FMNL2: variants seen among roughly 807,000 people sequenced by gnomAD.
FMNL2 encodes formin-like protein 2.
In FMNL2, 51 loss-of-function variants were observed where a neutral mutation model predicts 130.2. The observed-to-expected ratio is 0.39, with a 90% CI of 0.31 to 0.49. The LOEUF is 0.49. Ranked by LOEUF, FMNL2 falls within the 20% of genes least tolerant of loss-of-function variation. The pLI, the probability that FMNL2 is intolerant of heterozygous loss-of-function variation, is 0.85. For missense variants in FMNL2, 977 were observed against 1,316.2 expected (o/e 0.74, Z 3.99); for synonymous variants, 465 against 467.1 (o/e 1.00, Z 0.06).
chr2:152,470,977 C>T (rs977157514), intron 1 of FMNL2, among the ~76,000 whole-genome samples: 6 of 152,192 alleles, frequency 3.9e-5, no homozygotes, highest in African/African-American at 1.4e-4. Context: ...TGGCCTCCTA[C>T]CACCAGCTAA....
chr2:152,631,251 T>C (rs899672007), intron 20 of FMNL2, among the ~76,000 whole-genome samples: 1 of 151,030 alleles, frequency 6.6e-6, no homozygotes, highest in Non-Finnish European at 1.5e-5. Context: ...CTGGGCTAAT[T>C]TTTGGGTCAC....
rs562529597 is a variant in FMNL2, at chr2:152,365,935, C to T, written c.117+30215C>T. ...TGATCCTTGTTTGCATCAGGGACTC[C>T]TGAGATTCTTATGAAAACCATAGCC... On this transcript the variant is annotated intron_variant, in intron 1 of 25. Coordinates refer to ENST00000288670, the MANE Select transcript of FMNL2 (RefSeq NM_052905.4). Among the ~76,000 whole-genome samples the T allele has an allele frequency of 1.4e-4, 21 of 152,220 alleles. No individual in the cohort carries two copies. In the South Asian group the frequency reaches 4.4e-3, roughly 32 times the overall value.
chr2:152,439,116 G>GTGTGTGTGTGT (rs1255777177), intron 1 of FMNL2, among the ~76,000 whole-genome samples: 1 of 118,456 alleles, frequency 8.4e-6, no homozygotes, highest in African/African-American at 4.2e-5. Context: ...TGTGTGTGTG[G>GTGTGTGTGTGT]CAATAGCTAA....
At chr2:152,505,787 C>T (rs1479269323) in intron 1 of FMNL2, among the ~76,000 whole-genome samples, 2 of 152,210 alleles carry the variant, frequency 1.3e-5, no homozygotes, top group Non-Finnish European at 2.9e-5. Context: ...AATCACACCT[C>T]TCGTTCTTGC....
At chr2:152,597,782 C>T (rs1223973549) in intron 9 of FMNL2, among the ~76,000 whole-genome samples, 1 of 152,174 alleles carries the variant, frequency 6.6e-6, no homozygotes, top group Non-Finnish European at 1.5e-5. Context: ...ACTTTAAGAA[C>T]TGGTACCCAA....
Position 152,371,267 on chromosome 2 carries a change from G to T in FMNL2, c.117+35547G>T, listed in dbSNP as rs114489045. ...TAATATCAATTGGCTAGGATCATTG[G>T]AGGCTGGTTGTACCACAAAGGACAC... On this transcript the variant is annotated intron_variant, in intron 1 of 25. Coordinates refer to ENST00000288670, the MANE Select transcript of FMNL2 (RefSeq NM_052905.4). Among the ~76,000 whole-genome samples, 219 of 152,336 alleles carry T rather than the reference G, an allele frequency of 1.4e-3. 1 individual carries two copies. Among genetic ancestry groups the T allele is most frequent in the African/African-American group, 5.1e-3 (214 of 41,580 alleles).
At chr2:152,427,076 GGTTT>G (rs1687237537) in intron 1 of FMNL2, among the ~76,000 whole-genome samples, 1 of 152,106 alleles carries the variant, frequency 6.6e-6, no homozygotes, top group Admixed American at 6.5e-5. Context: ...GTATCAACCT[GGTTT>G]GTTTCTCCTA....
chr2:152,456,202 A>T (rs1688946489), intron 1 of FMNL2, among the ~76,000 whole-genome samples: 1 of 152,218 alleles, frequency 6.6e-6, no homozygotes, highest in Non-Finnish European at 1.5e-5. Flanking sequence ...ATTTTGATCA[A>T]ATTTTCTTTC....
In FMNL2 at chr2:152,649,374, A is replaced by ATAGTT. The variant is rs1306001998; in HGVS notation, c.*1471_*1475dup. 6.6e-6 allele frequency: 1 copy of ATAGTT among 152,456 alleles called. No homozygotes were observed. The highest frequency in any genetic ancestry group is 2.4e-5 in the African/African-American group (1 of 41,420). The allele number at this position is 152,456 out of a possible 1,614,324, so 9.4% of individuals were successfully genotyped here. A position where few individuals can be genotyped will look rare whatever the true frequency, so the allele number is the denominator to read the frequency against. On this transcript the variant is annotated 3_prime_UTR_variant, in exon 26 of 26. Coordinates refer to ENST00000288670, the MANE Select transcript of FMNL2 (RefSeq NM_052905.4). Reference sequence around the variant, plus strand: ...TACAATCTGAATGTTATTTTAACTTATAGTTTTTTTTAATATATATATTTA... The same window carrying ATAGTT: ...TACAATCTGAATGTTATTTTAACTTATAGTTTAGTTTTTTTTAATATATATATTTA...
intron 6 of FMNL2, among the ~76,000 whole-genome samples, chr2:152,566,117 G>A (rs1695822473): frequency 6.6e-6 from 1 of 152,168 alleles, no homozygotes; most frequent in Non-Finnish European, 1.5e-5. Context: ...TTCATGAATA[G>A]TCCTTATCTG....
intron 25 of FMNL2, among the ~76,000 whole-genome samples, chr2:152,642,125 A>G (rs1683138209): frequency 6.6e-6 from 1 of 152,112 alleles, no homozygotes. Context: ...TATTTGTAGT[A>G]GAGATGGGGT....
intron 1 of FMNL2, among the ~76,000 whole-genome samples, chr2:152,427,045 A>C (rs1349921170): frequency 6.6e-6 from 1 of 152,180 alleles, no homozygotes; most frequent in African/African-American, 2.4e-5. Flanking sequence ...ATCCTCTTCC[A>C]ACTCCTCGTA....
chr2:152,547,024 C>T (rs1694685467), intron 3 of FMNL2, among the ~76,000 whole-genome samples: 1 of 150,680 alleles, frequency 6.6e-6, no homozygotes, highest in Admixed American at 6.7e-5. Flanking sequence ...CGGCTTGCTG[C>T]AACCGCTGCC....
chr2:152,445,392 C>A (rs1323972415), intron 1 of FMNL2, among the ~76,000 whole-genome samples: 1 of 152,200 alleles, frequency 6.6e-6, no homozygotes, highest in Non-Finnish European at 1.5e-5. Flanking sequence ...AATTAAACTT[C>A]AGTTTAAATG....
chr2:152,387,625 G>A (rs1684855049), intron 1 of FMNL2, among the ~76,000 whole-genome samples: 1 of 152,060 alleles, frequency 6.6e-6, no homozygotes, highest in Admixed American at 6.5e-5. Context: ...CTCCATGTCT[G>A]GTTGTTTTTT....
chr2:152,395,892 T>A (rs909563554), intron 1 of FMNL2, among the ~76,000 whole-genome samples: 1 of 7,096 alleles, frequency 1.4e-4, no homozygotes, highest in Non-Finnish European at 2.8e-4. Flanking sequence ...GTGGTGGGGG[T>A]GGGTGGGCCA....
intron 4 of FMNL2, among the ~76,000 whole-genome samples, chr2:152,555,118 A>G (rs953830119): frequency 3.9e-5 from 6 of 152,350 alleles, no homozygotes; most frequent in East Asian, 1.9e-4. Flanking sequence ...AGTTTTATAC[A>G]GTATTTCTTT....
At chr2:152,556,929 G>A (rs1158593316) in intron 4 of FMNL2, among the ~76,000 whole-genome samples, 1 of 147,706 alleles carries the variant, frequency 6.8e-6, no homozygotes, top group Non-Finnish European at 1.5e-5. Context: ...ACCCACCACC[G>A]AGGGCCAGTT....
At chr2:152,618,273 G>A (rs1026589652) in intron 13 of FMNL2, among the ~76,000 whole-genome samples, 3 of 152,190 alleles carry the variant, frequency 2.0e-5, no homozygotes, top group African/African-American at 4.8e-5. Context: ...CCGCATTACC[G>A]ATGGGAAAAT....
Sources: gnomAD v4.1 joint callset for allele counts (sites outside exome capture counted in the v4.1 genomes callset) on GRCh38, gnomAD v4.1.1 for gene constraint, MANE v1.5 for transcripts, NCBI Gene and HGNC (gene_info 2026-07-23, HGNC 2026-07-21) for gene names.